UGT3A2: variants seen among roughly 807,000 people sequenced by gnomAD.
UGT3A2 encodes UDP-glycosyltransferase 3A2.
Under a neutral mutation model 39.8 loss-of-function variants are expected in UGT3A2, and 32 were observed. That is an observed-to-expected ratio of 0.80 (90% CI 0.61 to 1.08). UGT3A2 has a LOEUF of 1.08. Ranked by LOEUF, UGT3A2 falls within the 50% of genes least tolerant of loss-of-function variation. The pLI is 0.00. For missense variants in UGT3A2, 611 were observed against 637.1 expected (o/e 0.96, Z 0.44); for synonymous variants, 241 against 230.7 (o/e 1.04, Z -0.40).
At chr5:36,066,179 C>T (rs1742872833) in intron 1 of UGT3A2, among the ~76,000 whole-genome samples, 2 of 152,202 alleles carry the variant, frequency 1.3e-5, no homozygotes, top group Admixed American at 1.3e-4. Context: ...GGCATTGCAG[C>T]CATGAAATAC....
chr5:36,048,854 G>C (rs200837146), intron 4 of UGT3A2, 35 bp downstream of exon 4: 3 of 1,598,734 alleles, frequency 1.9e-6, no homozygotes, highest in East Asian at 2.2e-5. Context: ...AGGCCTCTGC[G>C]TGAATCCCAA....
Position 36,051,847 on chromosome 5 carries a change from T to A in UGT3A2, c.311+23A>T, listed in dbSNP as rs750876559. 3 of 1,543,172 alleles carry A rather than the reference T, an allele frequency of 1.9e-6. No individual in the cohort carries two copies. In the East Asian group the frequency reaches 6.8e-5, roughly 35 times the overall value. Reference sequence around the variant, plus strand: ...ATTATGAAAATGGTGACCTTTTTGTTCAAAGAATAAAAAAACAATTACCTG... The same window carrying A: ...ATTATGAAAATGGTGACCTTTTTGTACAAAGAATAAAAAAACAATTACCTG... On this transcript the variant is annotated intron_variant, in intron 3 of 6. Coordinates refer to ENST00000282507, the MANE Select transcript of UGT3A2 (RefSeq NM_174914.4).
intron 4 of UGT3A2, among the ~76,000 whole-genome samples, chr5:36,044,495 G>C (rs1742107275): frequency 6.6e-6 from 1 of 152,048 alleles, no homozygotes; most frequent in Non-Finnish European, 1.5e-5. Context: ...TCAGAAAAGA[G>C]AAAGAAATAA....
chr5:36,064,211 T>C lies in UGT3A2; in HGVS notation c.196+38A>G, dbSNP rs372273202. 12 of 1,581,846 alleles carry C rather than the reference T, an allele frequency of 7.6e-6. No homozygotes were observed. In the African/African-American group the frequency reaches 1.4e-4, roughly 18 times the overall value. Reference sequence around the variant, plus strand: ...ATGCAAACAGCATTTTGCTCTTTGCTTGGAGTAGGAGAAATCAAGAAAAGT... The same window carrying C: ...ATGCAAACAGCATTTTGCTCTTTGCCTGGAGTAGGAGAAATCAAGAAAAGT... On this transcript the variant is annotated intron_variant, in intron 2 of 6. Coordinates refer to ENST00000282507, the MANE Select transcript of UGT3A2 (RefSeq NM_174914.4).
intron 3 of UGT3A2, 139 bp downstream of exon 3, chr5:36,051,731 C>G (rs1308319302): frequency 1.8e-6 from 1 of 564,350 alleles, no homozygotes; most frequent in Admixed American, 3.8e-5. Flanking sequence ...TCAATCCATC[C>G]ATCCGTCCAT....
At position 36,049,068 on chromosome 5, in the gene UGT3A2, C is replaced by T. The variant is rs767460678; in HGVS notation, c.664G>A (p.Asp222Asn). Residue 222 changes from aspartate to asparagine, a missense_variant, in exon 4 of 7, where the codon GAC becomes AAC. Physicochemically the swap from Asp to Asn is conservative, Grantham distance 23. Coordinates refer to ENST00000282507, the MANE Select transcript of UGT3A2 (RefSeq NM_174914.4). Reference protein sequence around the residue: ...RRQQHMQSTFDNTIKEHFTEG... With the variant: ...RRQQHMQSTFNNTIKEHFTEG... Reference sequence around the variant, plus strand: ...GTGAAATGTTCCTTGATGGTGTTGTCAAATGTAGACTGCATGTGCTGTTGC... The same window carrying T: ...GTGAAATGTTCCTTGATGGTGTTGTTAAATGTAGACTGCATGTGCTGTTGC... 6.8e-6 allele frequency: 11 copies of T among 1,614,052 alleles called. No individual in the cohort carries two copies. In the East Asian group the frequency reaches 2.4e-4, roughly 36 times the overall value.
At chr5:36,066,573 G>A (rs1412421937) in intron 1 of UGT3A2, 123 bp downstream of exon 1, 45 of 1,540,576 alleles carry the variant, frequency 2.9e-5, no homozygotes, top group Non-Finnish European at 3.7e-5. Flanking sequence ...TCCTCCAGCC[G>A]GGTCCGCAAG....
intron 1 of UGT3A2, among the ~76,000 whole-genome samples, chr5:36,066,253 G>T (rs993434235): frequency 4.6e-5 from 7 of 152,092 alleles, no homozygotes; most frequent in African/African-American, 1.7e-4. Context: ...CCTCAGGAGG[G>T]CCTTTCCCTG....
chr5:36,052,123 G>T, intron 2 of UGT3A2, 139 bp from the exon 3 acceptor site: 1 of 610,128 alleles, frequency 1.6e-6, no homozygotes, highest in Non-Finnish European at 2.8e-6. Flanking sequence ...TAATGTATGC[G>T]TTTATTTATT....
In UGT3A2 at chr5:36,039,720, T is replaced by C; in HGVS notation, c.844-12A>G. The C allele has an allele frequency of 1.9e-6, 3 of 1,612,628 alleles. No homozygotes were observed. The highest frequency in any genetic ancestry group is 1.7e-5 in the Admixed American group (1 of 59,948). The stretch of plus-strand genomic sequence containing the variant: ...AAGTTCTCCAAGTCCTGGAGAAAGA[T>C]TACCAAGGTAAAGAGGTGACAAAAT... On this transcript the variant is annotated splice_polypyrimidine_tract_variant and intron_variant, in intron 4 of 6. Coordinates refer to ENST00000282507, the MANE Select transcript of UGT3A2 (RefSeq NM_174914.4).
chr5:36,062,898 G>A (rs565930034), intron 2 of UGT3A2, among the ~76,000 whole-genome samples: 5 of 152,088 alleles, frequency 3.3e-5, no homozygotes, highest in East Asian at 1.9e-4. Flanking sequence ...AAAATTAGCC[G>A]AGCATGGTGG....
chr5:36,045,831 A>T (rs1742151433), intron 4 of UGT3A2, among the ~76,000 whole-genome samples: 2 of 152,198 alleles, frequency 1.3e-5, no homozygotes, highest in Non-Finnish European at 2.9e-5. Context: ...AACAAAGAGA[A>T]GAGATAACCC....
At chr5:36,055,188 T>C (rs908461935) in intron 2 of UGT3A2, among the ~76,000 whole-genome samples, 5 of 151,698 alleles carry the variant, frequency 3.3e-5, no homozygotes, top group African/African-American at 1.2e-4. Context: ...GGGTATGTCA[T>C]AGTAATTCAT....
In UGT3A2 at chr5:36,064,393, C is replaced by G. The variant is rs1742815291; in HGVS notation, c.95-43G>C. 8 of 1,537,204 alleles carry G rather than the reference C, an allele frequency of 5.2e-6. No homozygotes were observed. In the South Asian group the frequency reaches 9.0e-5, roughly 17 times the overall value. On this transcript the variant is annotated intron_variant, in intron 1 of 6. Coordinates refer to ENST00000282507, the MANE Select transcript of UGT3A2 (RefSeq NM_174914.4). ...CTTCAGTTCTGGAATGATGAGAATA[C>G]AGTGTCTGAAGTCAGTAGTGATCAA...
At position 36,052,877 on chromosome 5, in the gene UGT3A2, GC is replaced by G. The variant is rs142136350; in HGVS notation, c.197-894del. 5.6e-3 allele frequency among the ~76,000 whole-genome samples: 849 copies of G among 152,162 alleles called. 15 individuals carry two copies. The highest frequency in any genetic ancestry group is 0.019 in the African/African-American group (809 of 41,506). ...TTAACAGATAGCCCCACATATTAAG[GC>G]CCTCATACTCAAGCTAATTGAAATG... On this transcript the variant is annotated intron_variant, in intron 2 of 6. Coordinates refer to ENST00000282507, the MANE Select transcript of UGT3A2 (RefSeq NM_174914.4).
intron 4 of UGT3A2, among the ~76,000 whole-genome samples, chr5:36,041,853 C>G (rs1742019158): frequency 6.6e-6 from 1 of 152,022 alleles, no homozygotes; most frequent in South Asian, 2.1e-4. Flanking sequence ...CATTGATGAA[C>G]AAGTTACAAG....
rs541150871 is a variant in UGT3A2 at position 36,054,098 on chromosome 5, G to A, written c.197-2114C>T. 1.7e-4 allele frequency among the ~76,000 whole-genome samples: 26 copies of A among 152,274 alleles called. 1 individual carries two copies. In the South Asian group the frequency reaches 5.4e-3, roughly 32 times the overall value. On this transcript the variant is annotated intron_variant, in intron 2 of 6. Coordinates refer to ENST00000282507, the MANE Select transcript of UGT3A2 (RefSeq NM_174914.4). ...AAGAAAGTTTATGAATTTGTGTTGG[G>A]CCACATTCAAAGCTGTCCTGGGCCA...
At chr5:36,054,298 T>C (rs554716792) in intron 2 of UGT3A2, among the ~76,000 whole-genome samples, 2 of 152,296 alleles carry the variant, frequency 1.3e-5, no homozygotes, top group South Asian at 2.1e-4. Context: ...TTCATAATTA[T>C]AGGAATTCAG....
At chr5:36,054,735 C>T (rs2111747722) in intron 2 of UGT3A2, among the ~76,000 whole-genome samples, 2 of 152,202 alleles carry the variant, frequency 1.3e-5, no homozygotes, top group Middle Eastern at 3.4e-3. Context: ...TTGACTCCAA[C>T]TGGGCAAACA....
Sources: gnomAD v4.1 joint callset for allele counts (sites outside exome capture counted in the v4.1 genomes callset) on GRCh38, gnomAD v4.1.1 for gene constraint, MANE v1.5 for transcripts, NCBI Gene and HGNC (gene_info 2026-07-23, HGNC 2026-07-21) for gene names.